The following HCK variants were observed in gnomAD, a reference collection of about 807,000 sequenced individuals.
The protein encoded by HCK is HCK proto-oncogene, Src family tyrosine kinase.
Under a neutral mutation model 70.4 loss-of-function variants are expected in HCK, and 40 were observed. The observed-to-expected ratio is 0.57, with a 90% CI of 0.44 to 0.74. The LOEUF (loss-of-function observed/expected upper bound fraction) is 0.74, where lower values mean the gene tolerates loss of function less well. HCK is among the 30% of genes least tolerant of loss of function. HCK has a pLI of 0.00. For synonymous variants in HCK, 245 were observed against 263.2 expected (o/e 0.93, Z 0.67); for missense variants, 568 against 697.2 (o/e 0.81, Z 2.09).
intron 1 of HCK, among the ~76,000 whole-genome samples, chr20:32,069,282 G>T (rs150049488): frequency 6.6e-6 from 1 of 152,134 alleles, no homozygotes. Flanking sequence ...CCCCTCCCTC[G>T]GGACCCTGTG....
intron 5 of HCK, among the ~76,000 whole-genome samples, chr20:32,076,418 G>T (rs1276684034): frequency 6.6e-6 from 1 of 152,158 alleles, no homozygotes; most frequent in African/African-American, 2.4e-5. Context: ...TTTGCCCTGG[G>T]TCATCCCATG....
intron 1 of HCK, among the ~76,000 whole-genome samples, chr20:32,055,504 G>T (rs866161575): frequency 6.6e-6 from 1 of 151,962 alleles, no homozygotes; most frequent in Admixed American, 6.5e-5. Flanking sequence ...CTATTTATTT[G>T]CTTAGTATTA....
intron 11 of HCK, among the ~76,000 whole-genome samples, chr20:32,097,026 T>A (rs6089175): frequency 0.46 from 69,766 of 151,932 alleles, 18,693 homozygotes; most frequent in African/African-American, 0.75. Context: ...ATGACTATAA[T>A]CCTAGCACTT....
At chr20:32,071,918 C>A in intron 2 of HCK, 136 bp downstream of exon 2, 3 of 1,048,560 alleles carry the variant, frequency 2.9e-6, no homozygotes, top group Non-Finnish European at 4.1e-6. Flanking sequence ...CCAACAGTGT[C>A]CTGACTCGAC....
chr20:32,083,757 C>T, intron 6 of HCK, 137 bp from the exon 7 acceptor site: 1 of 964,834 alleles, frequency 1.0e-6, no homozygotes, highest in Admixed American at 2.1e-5. Context: ...GCTCCCACAG[C>T]CCACTCAGAC....
intron 10 of HCK, among the ~76,000 whole-genome samples, chr20:32,092,013 G>C (rs965265534): frequency 3.3e-5 from 5 of 151,746 alleles, no homozygotes; most frequent in African/African-American, 1.2e-4. Flanking sequence ...AAAGAAAAAA[G>C]CAAAGCATGG....
chr20:32,066,331 T>TTTTTTTTTTTTTTTTTTTTTTTGA lies in HCK; in HGVS notation c.63-5331_63-5330insTTTTTTTTTTTTTTTTTTTTTTGA, dbSNP rs60044994. 1.3e-4 allele frequency among the ~76,000 whole-genome samples: 11 copies of TTTTTTTTTTTTTTTTTTTTTTTGA among 81,910 alleles called. 3 individuals are homozygous for TTTTTTTTTTTTTTTTTTTTTTTGA. In the East Asian group the frequency reaches 2.2e-3, roughly 16 times the overall value. 53.7% of individuals were successfully genotyped at this position (81,910 alleles called of 152,430 possible). A position where few individuals can be genotyped will look rare whatever the true frequency, so the allele number is the denominator to read the frequency against. On this transcript the variant is annotated intron_variant, in intron 1 of 12. Coordinates refer to ENST00000375852, the MANE Select transcript of HCK (RefSeq NM_002110.5). ...TTTTTTTTTTTTTTTTTTTTTTTTT[T>TTTTTTTTTTTTTTTTTTTTTTTGA]GACAGAGTCTTGCTCTGTTTCCCAG...
In HCK at chr20:32,083,874, T is replaced by A; in HGVS notation, c.533-20T>A. On this transcript the variant is annotated intron_variant, in intron 6 of 12. Transcript: ENST00000375852. ...GCCTCCAAGATGCCATTCTGAGGGG[T>A]TTCTCTTTGGTCAATTCAGGAAGCT... 6.2e-7 allele frequency: 1 copy of A among 1,613,662 alleles called. No homozygotes were observed. Among genetic ancestry groups the A allele is most frequent in the Non-Finnish European group, 8.5e-7 (1 of 1,179,904 alleles).
rs767463993 is a variant in HCK at position 32,074,607 on chromosome 20, C to G, written c.330-16C>G. ...TCCTTCTGTCCCTAACACCTTTACT[C>G]CCTCATGTCCCTCAGATCCGGGGAG... On this transcript the variant is annotated splice_polypyrimidine_tract_variant and intron_variant, in intron 4 of 12. Transcript: ENST00000375852. 1.3e-6 allele frequency: 2 copies of G among 1,577,842 alleles called. No homozygotes were observed. Among genetic ancestry groups the G allele is most frequent in the Non-Finnish European group, 1.7e-6 (2 of 1,147,030 alleles).
rs2045187613 is a variant in HCK at position 32,052,482 on chromosome 20, C to G, written c.58C>G (p.Pro20Ala). 2 of 1,265,612 alleles carry G rather than the reference C, an allele frequency of 1.6e-6. No individual in the cohort carries two copies. The highest frequency in any genetic ancestry group is 6.3e-5 in the East Asian group (2 of 31,806). The allele number at this position is 1,265,612 out of a possible 1,614,324, so 78.4% of individuals were successfully genotyped here. ...CTGCCCGCGAGACGAGGAGCGGGCGCCCAGGTGAGTGCCGCGCACAGGGGA... is the reference window on the plus strand; with the variant it reads ...CTGCCCGCGAGACGAGGAGCGGGCGGCCAGGTGAGTGCCGCGCACAGGGGA... The change falls in exon 1 of 13, where the codon CCC (proline) becomes GCC (alanine). Residue 20 changes from proline (P) to alanine (A), a missense_variant. Transcript: ENST00000375852.
chr20:32,061,709 C>T (rs995221886), intron 1 of HCK, among the ~76,000 whole-genome samples: 2 of 152,086 alleles, frequency 1.3e-5, no homozygotes, highest in Admixed American at 1.3e-4. Context: ...AGAAACAGAA[C>T]ATGCAATGCC....
Position 32,094,008 on chromosome 20 carries a change from C to T in HCK, c.1238C>T (p.Ala413Val), listed in dbSNP as rs1483987583. Residue 413 changes from alanine to valine, a missense_variant, in exon 11 of 13, where the codon GCT (alanine) becomes GTT (valine). By Grantham distance (64) the Ala-to-Val change is moderately conservative. Around this residue, in one of 4 missense-constraint regions of HCK, gnomAD observed 160 missense variants for 237.5 expected, o/e 0.67. Coordinates refer to ENST00000375852, the MANE Select transcript of HCK (RefSeq NM_002110.5). ...GTCATTGAGGACAACGAGTACACGG[C>T]TCGGGAAGGTAGGGAACGCTGCCAA... The T allele has an allele frequency of 1.2e-6, 2 of 1,612,614 alleles. No homozygotes were observed. Among genetic ancestry groups the T allele is most frequent in the African/African-American group, 2.7e-5 (2 of 74,804 alleles).
chr20:32,076,156 C>T (rs1392638933), intron 5 of HCK, among the ~76,000 whole-genome samples: 1 of 152,064 alleles, frequency 6.6e-6, no homozygotes, highest in East Asian at 1.9e-4. Context: ...AACCCCATCT[C>T]TACTAAAAAT....
intron 11 of HCK, among the ~76,000 whole-genome samples, chr20:32,094,928 G>T (rs1292268898): frequency 2.6e-5 from 4 of 151,830 alleles, no homozygotes. Context: ...CAAAATGAAA[G>T]AAATTAGACC....
At chr20:32,080,920 T>C (rs573537499) in intron 6 of HCK, among the ~76,000 whole-genome samples, 6 of 152,170 alleles carry the variant, frequency 3.9e-5, no homozygotes, top group South Asian at 4.1e-4. Flanking sequence ...AGACCCCATC[T>C]GTATGAAAAA....
rs376739879 is a variant in HCK, at chr20:32,085,191, T to C, written c.835+648T>C. On this transcript the variant is annotated intron_variant, in intron 8 of 12. Transcript: ENST00000375852. Reference sequence around the variant, plus strand: ...CCAGATAAAATAAGTTTAAAATCCATGTATTTCGACTGTATTTATTGCGAT... The same window carrying C: ...CCAGATAAAATAAGTTTAAAATCCACGTATTTCGACTGTATTTATTGCGAT... Among the ~76,000 whole-genome samples, 20 of 152,326 alleles carry C rather than the reference T, an allele frequency of 1.3e-4. No individual in the cohort carries two copies. The East Asian group carries it at 3.9e-3, about 29-fold the overall frequency.
chr20:32,074,286 C>T (rs2045589180), intron 4 of HCK, among the ~76,000 whole-genome samples: 1 of 152,160 alleles, frequency 6.6e-6, no homozygotes, highest in Non-Finnish European at 1.5e-5. Context: ...TCAGCCCCAG[C>T]TGAACCATTC....
intron 5 of HCK, among the ~76,000 whole-genome samples, chr20:32,077,927 T>G (rs1289815376): frequency 6.6e-6 from 1 of 152,244 alleles, no homozygotes; most frequent in African/African-American, 2.4e-5. Context: ...TCCAGTCATG[T>G]ACTGAAGCGA....
rs1011722641 is a variant in HCK, at chr20:32,052,445, C to T, written c.21C>T (p.Cys7=). Residue 7 remains cysteine (C), a synonymous_variant, in exon 1 of 13, where the codon TGC becomes TGT. Coordinates refer to ENST00000375852, the MANE Select transcript of HCK (RefSeq NM_002110.5). The stretch of plus-strand genomic sequence containing the variant: ...CCGAGCTGGGGGGGCGCTCAAGCTG[C>T]GAGGATCCGGGCTGCCCGCGAGACG... 2.3e-6 allele frequency: 3 copies of T among 1,280,124 alleles called. No homozygotes were observed. In the African/African-American group the frequency reaches 4.6e-5, roughly 20 times the overall value. The allele number at this position is 1,280,124 out of a possible 1,614,324, so 79.3% of individuals were successfully genotyped here. A position where few individuals can be genotyped will look rare whatever the true frequency, so the allele number is the denominator to read the frequency against.
Sources: gnomAD v4.1 joint callset for allele counts (sites outside exome capture counted in the v4.1 genomes callset) on GRCh38, gnomAD v4.1.1 for gene constraint, gnomAD v4.1.1 regional missense constraint, MANE v1.5 for transcripts, NCBI Gene and HGNC (gene_info 2026-07-23, HGNC 2026-07-21) for gene names.